Variants in RASAL2 observed in about 807,000 individuals in gnomAD.
The protein encoded by RASAL2 is RAS protein activator like 2.
Under a neutral mutation model 128.9 loss-of-function variants are expected in RASAL2, and 58 were observed. The ratio of observed to expected loss-of-function variants is 0.45; its 90% CI spans 0.36 to 0.56. RASAL2 has a LOEUF of 0.56. Among genes scored for constraint, RASAL2 ranks in the 20% least tolerant of loss-of-function variants. The pLI, the probability that RASAL2 is intolerant of heterozygous loss-of-function variation, is 0.00. For synonymous variants in RASAL2, 561 were observed against 580.8 expected, an observed-to-expected ratio of 0.97 and a Z score of 0.49; for missense variants, 1,360 against 1,601.6, an observed-to-expected ratio of 0.85 and a Z score of 2.57.
intron 1 of RASAL2, among the ~76,000 whole-genome samples, chr1:178,110,601 GTA>G (rs951181184): frequency 7.2e-6 from 1 of 139,498 alleles, no homozygotes; most frequent in Admixed American, 7.3e-5. Context: ...TATATATACT[GTA>G]TATATACACT....
At chr1:178,201,941 A>T (rs1662888174) in intron 1 of RASAL2, among the ~76,000 whole-genome samples, 1 of 152,200 alleles carries the variant, frequency 6.6e-6, no homozygotes, top group Non-Finnish European at 1.5e-5. Context: ...TTGAAGAAGG[A>T]TCCCTCTACC....
chr1:178,103,854 T>G (rs940871880), intron 1 of RASAL2, among the ~76,000 whole-genome samples: 24 of 152,146 alleles, frequency 1.6e-4, no homozygotes, highest in African/African-American at 5.8e-4. Context: ...AAATGATTCT[T>G]ACACAATTGA....
chr1:178,147,479 C>CA (rs71297899), intron 1 of RASAL2, among the ~76,000 whole-genome samples: 20,910 of 82,508 alleles, frequency 0.25, 1,845 homozygotes, highest in Middle Eastern at 0.36. Flanking sequence ...GACTCCGTCT[C>CA]AAAAAAAAAA....
At chr1:178,357,304 T>C (rs1670859792) in intron 3 of RASAL2, among the ~76,000 whole-genome samples, 2 of 152,248 alleles carry the variant, frequency 1.3e-5, no homozygotes, top group African/African-American at 2.4e-5. Flanking sequence ...TTTTTGGTTA[T>C]GTGAAATGAG....
At chr1:178,267,824 C>T (rs556778348) in intron 1 of RASAL2, among the ~76,000 whole-genome samples, 95 of 152,142 alleles carry the variant, frequency 6.2e-4, no homozygotes, top group Non-Finnish European at 1.1e-3. Context: ...AAACATTCCT[C>T]ATGGAGCCCT....
At chr1:178,389,218 TC>T in intron 3 of RASAL2, 1 of 959,980 alleles carries the variant, frequency 1.0e-6, no homozygotes, top group Non-Finnish European at 1.2e-6. Context: ...TTTTTCCTTG[TC>T]CATGTTGAGA....
At chr1:178,206,089 C>A (rs1663035658) in intron 1 of RASAL2, among the ~76,000 whole-genome samples, 1 of 152,076 alleles carries the variant, frequency 6.6e-6, no homozygotes, top group Admixed American at 6.6e-5. Context: ...ATAGAGAATT[C>A]TTTTTGGTGT....
chr1:178,426,860 A>G (rs1675549199), intron 5 of RASAL2, among the ~76,000 whole-genome samples: 1 of 152,172 alleles, frequency 6.6e-6, no homozygotes, highest in Non-Finnish European at 1.5e-5. Flanking sequence ...TTTTTGATCA[A>G]GAAAATGACC....
At chr1:178,106,720 A>G (rs1282863231) in intron 1 of RASAL2, among the ~76,000 whole-genome samples, 2 of 152,212 alleles carry the variant, frequency 1.3e-5, no homozygotes, top group Non-Finnish European at 2.9e-5. Context: ...TGAAATAGAA[A>G]GATACCCCAG....
At chr1:178,133,267 G>A (rs1383227553) in intron 1 of RASAL2, among the ~76,000 whole-genome samples, 2 of 152,152 alleles carry the variant, frequency 1.3e-5, no homozygotes, top group Middle Eastern at 3.4e-3. Flanking sequence ...TACGCATTTT[G>A]CTCCCCTGCC....
intron 3 of RASAL2, among the ~76,000 whole-genome samples, chr1:178,305,015 A>G (rs1349220420): frequency 2.0e-5 from 3 of 152,222 alleles, no homozygotes; most frequent in Non-Finnish European, 2.9e-5. Flanking sequence ...ACAGTGAACA[A>G]TCTGAAAAAA....
chr1:178,397,396 C>A (rs938950027), intron 4 of RASAL2, among the ~76,000 whole-genome samples: 1 of 152,084 alleles, frequency 6.6e-6, no homozygotes, highest in African/African-American at 2.4e-5. Flanking sequence ...TTGTATGATT[C>A]CATTTATATG....
intron 1 of RASAL2, among the ~76,000 whole-genome samples, chr1:178,180,617 C>T (rs1053755157): frequency 3.4e-5 from 5 of 148,460 alleles, no homozygotes; most frequent in African/African-American, 9.9e-5. Flanking sequence ...CAGTGAGCTG[C>T]GATCACAGCA....
chr1:178,466,894 T>A (rs1647764856), intron 16 of RASAL2, among the ~76,000 whole-genome samples: 3 of 152,188 alleles, frequency 2.0e-5, no homozygotes, highest in Non-Finnish European at 4.4e-5. Context: ...TAAACATCAA[T>A]GAGTTAAGAT....
chr1:178,186,428 A>G (rs1419727776), intron 1 of RASAL2, among the ~76,000 whole-genome samples: 1 of 152,084 alleles, frequency 6.6e-6, no homozygotes, highest in Non-Finnish European at 1.5e-5. Context: ...AGGCTTAAAT[A>G]AGGTCTGTTG....
chr1:178,355,945 T>C (rs1296089933), intron 3 of RASAL2, among the ~76,000 whole-genome samples: 10 of 151,938 alleles, frequency 6.6e-5, no homozygotes, highest in Non-Finnish European at 1.5e-4. Context: ...CCGAGGCAGG[T>C]GGATTACGAG....
intron 1 of RASAL2, among the ~76,000 whole-genome samples, chr1:178,111,794 A>C (rs1659333584): frequency 6.6e-6 from 1 of 152,114 alleles, no homozygotes; most frequent in African/African-American, 2.4e-5. Flanking sequence ...CGATGGCATG[A>C]TTTCAGCTCA....
At chr1:178,459,986 C>T (rs1356921939) in intron 14 of RASAL2, among the ~76,000 whole-genome samples, 2 of 152,172 alleles carry the variant, frequency 1.3e-5, no homozygotes, top group Non-Finnish European at 2.9e-5. Context: ...GGCTATCAGT[C>T]ATTCCTACCT....
intron 1 of RASAL2, among the ~76,000 whole-genome samples, chr1:178,193,765 C>T (rs1662568606): frequency 1.0e-5 from 1 of 97,758 alleles, no homozygotes; most frequent in South Asian, 4.8e-4. Context: ...ACCACGAGTA[C>T]TTGACACAAA....
Sources: gnomAD v4.1 joint callset for allele counts (sites outside exome capture counted in the v4.1 genomes callset) on GRCh38, gnomAD v4.1.1 for gene constraint, MANE v1.5 for transcripts, NCBI Gene and HGNC (gene_info 2026-07-23, HGNC 2026-07-21) for gene names.